The following MDFI variants were observed in gnomAD, a reference collection of about 807,000 sequenced individuals.
The protein encoded by MDFI is MyoD family inhibitor.
A neutral mutation model predicts 22.3 loss-of-function variants in MDFI; 16 were observed. The observed-to-expected ratio is 0.72, with a 90% confidence interval of 0.49 to 1.09. The LOEUF (loss-of-function observed/expected upper bound fraction) is 1.09, where lower values mean the gene tolerates loss of function less well. Among genes scored for constraint, MDFI ranks in the 50% least tolerant of loss-of-function variants. The pLI is 0.00. For synonymous variants in MDFI, 145 were observed against 142.7 expected (o/e 1.02, Z -0.12); for missense variants, 314 against 326.1 (o/e 0.96, Z 0.29).
chr6:41,650,674 A>C (rs1274617611), intron 4 of MDFI, among the ~76,000 whole-genome samples: 1 of 150,112 alleles, frequency 6.7e-6, no homozygotes, highest in East Asian at 2.0e-4. Context: ...CCCGGGTTCA[A>C]GCGATTCTTC....
chr6:41,652,648 T>C (rs1329607577), intron 4 of MDFI, among the ~76,000 whole-genome samples: 1 of 140,984 alleles, frequency 7.1e-6, no homozygotes, highest in East Asian at 2.1e-4. Context: ...AGTCCAGCTC[T>C]TGTTGCCCAG....
At chr6:41,651,963 A>G (rs1768286351) in intron 4 of MDFI, among the ~76,000 whole-genome samples, 2 of 152,244 alleles carry the variant, frequency 1.3e-5, no homozygotes, top group Non-Finnish European at 1.5e-5. Context: ...TCATTGAACA[A>G]AATGGGCAAA....
chr6:41,641,030 G>C (rs1209669904), intron 2 of MDFI, among the ~76,000 whole-genome samples: 1 of 152,244 alleles, frequency 6.6e-6, no homozygotes, highest in Non-Finnish European at 1.5e-5. Context: ...GCCTGGGAGT[G>C]TGACCATTGG....
At chr6:41,644,277 C>G (rs1273354409) in intron 2 of MDFI, among the ~76,000 whole-genome samples, 1 of 152,210 alleles carries the variant, frequency 6.6e-6, no homozygotes, top group East Asian at 1.9e-4. Context: ...GGAACCCACC[C>G]CTGCCTCCGT....
In MDFI at chr6:41,638,596, C is replaced by A; in HGVS notation, c.-68C>A. On this transcript the variant is annotated 5_prime_UTR_variant, in exon 1 of 5. Coordinates refer to ENST00000230321, the MANE Select transcript of MDFI (RefSeq NM_005586.4). The surrounding 1 kb of genome is among the most constrained non-coding windows in gnomAD (Gnocchi z 7.6). ...GGCAGGGGCGCCCGGAGCAGGCGCG[C>A]ATGGCGGGCCCCGCGCGGGGATCCG... 1.1e-6 allele frequency: 1 copy of A among 877,574 alleles called. No individual in the cohort carries two copies. Among genetic ancestry groups the A allele is most frequent in the Non-Finnish European group, 1.7e-6 (1 of 600,698 alleles). 54.4% of individuals were successfully genotyped at this position (877,574 alleles called of 1,614,324 possible).
intron 3 of MDFI, 52 bp from the exon 4 acceptor site, chr6:41,649,567 G>A: frequency 6.8e-7 from 1 of 1,470,042 alleles, no homozygotes; most frequent in Non-Finnish European, 9.2e-7. Flanking sequence ...TAGCTCTGGG[G>A]GCCGAATGAC....
intron 2 of MDFI, among the ~76,000 whole-genome samples, chr6:41,640,859 T>C (rs1767829545): frequency 6.6e-6 from 1 of 151,478 alleles, no homozygotes; most frequent in South Asian, 2.1e-4. Context: ...CCTGGCTCCC[T>C]AGCCCACAGG....
upstream of MDFI, chr6:41,637,419 GCTCACTGGCC>G (rs929116396): frequency 2.6e-5 from 4 of 152,158 alleles, no homozygotes; most frequent in Admixed American, 2.6e-4. This position sits in a 1 kb window ranked among gnomAD's most constrained non-coding sequence, Gnocchi z 6.8. Context: ...CTTCCAGTGT[GCTCACTGGCC>G]CTCGTGGCGG....
chr6:41,645,320 G>A (rs986969444), intron 2 of MDFI, among the ~76,000 whole-genome samples: 5 of 152,006 alleles, frequency 3.3e-5, no homozygotes, highest in Non-Finnish European at 5.9e-5. Flanking sequence ...AGTCCTGCAG[G>A]CTGGGGAGCT....
At chr6:41,639,563 C>A (rs949383739) in intron 2 of MDFI, 1 of 985,326 alleles carries the variant, frequency 1.0e-6, no homozygotes, top group Non-Finnish European at 1.2e-6. Context: ...TCAGTCCCTT[C>A]CCCTCACTGG....
rs529723540 is a variant in MDFI, at chr6:41,639,158, C to T, written c.76+333C>T. The stretch of plus-strand genomic sequence containing the variant: ...TCTGGGATTTGTGTCTCAACTGTTT[C>T]TGCCCAGTGTGTAAATATTTGTGGG... On this transcript the variant is annotated intron_variant, in intron 2 of 4. Transcript: ENST00000230321. 2.8e-4 allele frequency: 239 copies of T among 854,398 alleles called. 1 individual carries two copies. In the South Asian group the frequency reaches 5.8e-3, roughly 21 times the overall value. 52.9% of individuals were successfully genotyped at this position (854,398 alleles called of 1,614,324 possible).
intron 2 of MDFI, among the ~76,000 whole-genome samples, chr6:41,641,766 A>G (rs1429131244): frequency 6.6e-6 from 1 of 152,194 alleles, no homozygotes; most frequent in African/African-American, 2.4e-5. Context: ...GCCTCTCTCC[A>G]CACCAGCCAG....
chr6:41,643,722 G>A (rs1486946472), intron 2 of MDFI, among the ~76,000 whole-genome samples: 2 of 151,912 alleles, frequency 1.3e-5, no homozygotes, highest in African/African-American at 2.4e-5. Flanking sequence ...AGAGTAGTAG[G>A]GCTGTGGGTG....
intron 2 of MDFI, among the ~76,000 whole-genome samples, chr6:41,645,635 G>A (rs757257824): frequency 1.1e-4 from 16 of 152,020 alleles, no homozygotes; most frequent in Non-Finnish European, 2.4e-4. Flanking sequence ...CTATTGCTGC[G>A]TCTCACTCCC....
At position 41,653,681 on chromosome 6, in the gene MDFI, T is replaced by A. The variant is rs1768372953; in HGVS notation, c.*106T>A. On this transcript the variant is annotated 3_prime_UTR_variant, in exon 5 of 5. Transcript: ENST00000230321. The surrounding 1 kb of genome is among the most constrained non-coding windows in gnomAD (Gnocchi z 4.2). ...GTCACACAAGGCTTGAGAAGCCCCCTCTCCCTGGTCCTCTCCTACCCACCC... is the reference window on the plus strand; with the variant it reads ...GTCACACAAGGCTTGAGAAGCCCCCACTCCCTGGTCCTCTCCTACCCACCC... The A allele has an allele frequency of 1.4e-6, 2 of 1,424,608 alleles. No individual in the cohort carries two copies. Among genetic ancestry groups the A allele is most frequent in the East Asian group, 4.6e-5 (2 of 43,216 alleles). The allele number at this position is 1,424,608 out of a possible 1,614,324, so 88.2% of individuals were successfully genotyped here.
At chr6:41,649,989 A>G in intron 4 of MDFI, 146 bp downstream of exon 4, 1 of 719,210 alleles carries the variant, frequency 1.4e-6, no homozygotes. Flanking sequence ...ACTGGATTGG[A>G]ATCTCTGGTG....
chr6:41,653,814 GGGT>G lies in MDFI; in HGVS notation c.*240_*242del. The G allele has an allele frequency of 1.7e-6, 1 of 597,200 alleles. No individual in the cohort carries two copies. The allele number at this position is 597,200 out of a possible 1,614,324, so 37.0% of individuals were successfully genotyped here. A position where few individuals can be genotyped will look rare whatever the true frequency, so the allele number is the denominator to read the frequency against. On this transcript the variant is annotated 3_prime_UTR_variant, in exon 5 of 5. Coordinates refer to ENST00000230321, the MANE Select transcript of MDFI (RefSeq NM_005586.4). This position sits in a 1 kb window ranked among gnomAD's most constrained non-coding sequence, Gnocchi z 4.2. ...GGCAGAGAAGCCTGAACTCTTTACT[GGGT>G]TACCAGGTTCATACATTGCTGAGGA... is the stretch of plus-strand genomic sequence containing the variant.
rs1338695747 is a variant in MDFI at position 41,653,456 on chromosome 6, G to C, written c.622G>C (p.Glu208Gln). Reference sequence around the variant, plus strand: ...CTGCTGCTGCTGCTGTGGCTCTGGCGAGTGTGCCGACTGCGACCTGCCCTG... The same window carrying C: ...CTGCTGCTGCTGCTGTGGCTCTGGCCAGTGTGCCGACTGCGACCTGCCCTG... The part of the protein sequence containing the change: ...CLCCCCCGSG[E>Q]CADCDLPCDL... Residue 208 changes from glutamate (E) to glutamine (Q), a missense_variant, in exon 5 of 5, where the codon GAG becomes CAG. Transcript: ENST00000230321. This position sits in a 1 kb window ranked among gnomAD's most constrained non-coding sequence, Gnocchi z 4.2. 3 of 1,605,060 alleles carry C rather than the reference G, an allele frequency of 1.9e-6. No individual in the cohort carries two copies. The Admixed American group carries it at 5.0e-5, about 27-fold the overall frequency.
At chr6:41,640,441 C>T (rs1273749956) in intron 2 of MDFI, among the ~76,000 whole-genome samples, 3 of 152,182 alleles carry the variant, frequency 2.0e-5, no homozygotes, top group Admixed American at 2.0e-4. Flanking sequence ...ACTTGAGGCC[C>T]CCCAGCACCC....
Sources: gnomAD v4.1 joint callset for allele counts (sites outside exome capture counted in the v4.1 genomes callset) on GRCh38, gnomAD v4.1.1 for gene constraint, Gnocchi (gnomAD v3.1) non-coding constraint, MANE v1.5 for transcripts, NCBI Gene and HGNC (gene_info 2026-07-23, HGNC 2026-07-21) for gene names.